CHRM3: variants seen among roughly 807,000 people sequenced by gnomAD.
CHRM3 encodes the protein cholinergic receptor muscarinic 3, also known as muscarinic acetylcholine receptor M3.
Under a neutral mutation model 41.8 loss-of-function variants are expected in CHRM3, and 11 were observed. The ratio of observed to expected loss-of-function variants is 0.26; its 90% CI spans 0.17 to 0.44. The LOEUF (loss-of-function observed/expected upper bound fraction) is 0.44. CHRM3 is among the 20% of genes least tolerant of loss of function. CHRM3 has a pLI of 1.00. For synonymous variants in CHRM3, 297 were observed against 301.4 expected (o/e 0.99, Z 0.15); for missense variants, 571 against 745.4 (o/e 0.77, Z 2.72).
In CHRM3 at chr1:239,606,400, C is replaced by T. The variant is rs1041850518; in HGVS notation, c.-312-25824C>T. 5.3e-5 allele frequency among the ~76,000 whole-genome samples: 8 copies of T among 151,882 alleles called. No homozygotes were observed. The East Asian group carries it at 9.7e-4, about 18-fold the overall frequency. ...ATGCCATTCTCCTGCCTCAGCCTCC[C>T]GAGTAGCTGGGACTACAGGCGCCCA... On this transcript the variant is annotated intron_variant, in intron 3 of 6. Coordinates refer to ENST00000676153, the MANE Select transcript of CHRM3 (RefSeq NM_001375978.1).
chr1:239,858,124 C>T (rs1675276225), intron 6 of CHRM3, among the ~76,000 whole-genome samples: 1 of 152,174 alleles, frequency 6.6e-6, no homozygotes, highest in South Asian at 2.1e-4. Flanking sequence ...TAATGATGCA[C>T]TAATTAGAAA....
At chr1:239,542,335 C>T (rs369105710) in intron 2 of CHRM3, among the ~76,000 whole-genome samples, 1 of 152,034 alleles carries the variant, frequency 6.6e-6, no homozygotes, top group East Asian at 1.9e-4. Flanking sequence ...TAGAGAGGCA[C>T]CCCAAATTAG....
chr1:239,590,048 G>A (rs772096988), intron 3 of CHRM3, among the ~76,000 whole-genome samples: 98 of 152,078 alleles, frequency 6.4e-4, no homozygotes, highest in Non-Finnish European at 1.1e-3. Flanking sequence ...ATGTTTGAAT[G>A]TAGATGGTCT....
In CHRM3 at chr1:239,463,514, C is replaced by T. The variant is rs531019268; in HGVS notation, c.-520-29195C>T. 6.6e-5 allele frequency among the ~76,000 whole-genome samples: 10 copies of T among 152,160 alleles called. No homozygotes were observed. The South Asian group carries it at 1.7e-3, about 25-fold the overall frequency. ...CTTAGTTTTAACCTGTCACTGCTGT[C>T]TTGATCTTTTTTATTTCTTTTTAAT... On this transcript the variant is annotated intron_variant, in intron 1 of 6. Coordinates refer to ENST00000676153, the MANE Select transcript of CHRM3 (RefSeq NM_001375978.1).
At chr1:239,423,180 G>T (rs1045812241) in intron 1 of CHRM3, among the ~76,000 whole-genome samples, 3 of 152,172 alleles carry the variant, frequency 2.0e-5, no homozygotes, top group African/African-American at 7.2e-5. Context: ...AAATTCCAAA[G>T]AAATTTTATC....
chr1:239,819,463 T>C (rs1671858492), intron 5 of CHRM3, among the ~76,000 whole-genome samples: 2 of 152,246 alleles, frequency 1.3e-5, no homozygotes, highest in South Asian at 4.1e-4. Flanking sequence ...AGCCTGTATC[T>C]GACCTCAATT....
chr1:239,873,760 A>G (rs559874705), intron 6 of CHRM3, among the ~76,000 whole-genome samples: 1 of 152,078 alleles, frequency 6.6e-6, no homozygotes, highest in Admixed American at 6.5e-5. Context: ...CCCTGCAGGA[A>G]TCCTCCCTGC....
At chr1:239,595,900 T>A (rs536409672) in intron 3 of CHRM3, among the ~76,000 whole-genome samples, 1 of 152,312 alleles carries the variant, frequency 6.6e-6, no homozygotes, top group African/African-American at 2.4e-5. Flanking sequence ...ATACCAATCC[T>A]TTTTACTATA....
chr1:239,411,457 T>G (rs920247351), intron 1 of CHRM3, among the ~76,000 whole-genome samples: 3 of 152,142 alleles, frequency 2.0e-5, no homozygotes, highest in African/African-American at 7.2e-5. Flanking sequence ...CCGGGCGTGG[T>G]GGCTCATGCC....
In CHRM3 at chr1:239,910,584, G is replaced by GAA. The variant is rs113268793; in HGVS notation, c.*1371_*1372dup. On this transcript the variant is annotated 3_prime_UTR_variant, in exon 7 of 7. Coordinates refer to ENST00000676153, the MANE Select transcript of CHRM3 (RefSeq NM_001375978.1). ...TCAAATTGATTTCCTTACCTTTTGG[G>GAA]AAAAAAAAAAAATTGTTTTTTTGCA... The GAA allele has an allele frequency of 5.4e-4, 86 of 160,390 alleles. No homozygotes were observed. The highest frequency in any genetic ancestry group is 1.0e-3 in the East Asian group (5 of 4,980). 9.9% of individuals were successfully genotyped at this position (160,390 alleles called of 1,614,324 possible). A position where few individuals can be genotyped will look rare whatever the true frequency, so the allele number is the denominator to read the frequency against.
At chr1:239,706,199 A>G (rs1661146777) in intron 5 of CHRM3, 1 of 150,056 alleles carries the variant, frequency 6.7e-6, no homozygotes, top group South Asian at 2.1e-4. Context: ...AATGTAATAA[A>G]CATACATTAT....
At chr1:239,479,122 T>G (rs2147988503) in intron 1 of CHRM3, among the ~76,000 whole-genome samples, 1 of 151,460 alleles carries the variant, frequency 6.6e-6, no homozygotes, top group African/African-American at 2.4e-5. Flanking sequence ...AGGTGGAAGT[T>G]GTAGGGAGCC....
At chr1:239,687,338 C>A (rs6688548) in intron 5 of CHRM3, among the ~76,000 whole-genome samples, 76,543 of 151,836 alleles carry the variant, frequency 0.5, 19,590 homozygotes, top group Admixed American at 0.56. Flanking sequence ...CATTAGCATG[C>A]TTTATAAGTG....
chr1:239,848,657 G>T (rs961115522), intron 6 of CHRM3, among the ~76,000 whole-genome samples: 5 of 152,014 alleles, frequency 3.3e-5, no homozygotes, highest in African/African-American at 1.2e-4. Context: ...CTTAGTTTCT[G>T]CATCCCTATG....
intron 5 of CHRM3, among the ~76,000 whole-genome samples, chr1:239,691,260 A>G (rs952446346): frequency 1.3e-5 from 2 of 152,248 alleles, no homozygotes; most frequent in Non-Finnish European, 1.5e-5. Flanking sequence ...ATCCCTTCAG[A>G]CATATAAAAA....
intron 1 of CHRM3, among the ~76,000 whole-genome samples, chr1:239,452,362 G>T (rs990012506): frequency 6.6e-6 from 1 of 152,206 alleles, no homozygotes; most frequent in African/African-American, 2.4e-5. Flanking sequence ...GCTGGTGACA[G>T]CTTCAGGAGG....
chr1:239,423,376 C>T (rs1210846112), intron 1 of CHRM3, among the ~76,000 whole-genome samples: 1 of 152,108 alleles, frequency 6.6e-6, no homozygotes, highest in Non-Finnish European at 1.5e-5. Flanking sequence ...AACTCTTTAC[C>T]ACATACACTC....
intron 5 of CHRM3, among the ~76,000 whole-genome samples, chr1:239,757,651 G>T (rs951550573): frequency 2.0e-5 from 3 of 149,754 alleles, no homozygotes; most frequent in Non-Finnish European, 4.5e-5. Context: ...AAAAAGAAAA[G>T]ACATCCTCAT....
At position 239,515,827 on chromosome 1, in the gene CHRM3, T is replaced by A. The variant is rs12088049; in HGVS notation, c.-422+23020T>A. Among the ~76,000 whole-genome samples the A allele has an allele frequency of 8.3e-4, 127 of 152,280 alleles. 3 individuals are homozygous for A. Among genetic ancestry groups the A allele is most frequent in the Middle Eastern group, 3.4e-3 (1 of 294 alleles). ...AAAATAAACTACCCTTAGTTAAAAGTTAGATGCCTAAAATGTACTATATTT... is the reference window on the plus strand; with the variant it reads ...AAAATAAACTACCCTTAGTTAAAAGATAGATGCCTAAAATGTACTATATTT... On this transcript the variant is annotated intron_variant, in intron 2 of 6. Coordinates refer to ENST00000676153, the MANE Select transcript of CHRM3 (RefSeq NM_001375978.1).
Sources: gnomAD v4.1 joint callset for allele counts (sites outside exome capture counted in the v4.1 genomes callset) on GRCh38, gnomAD v4.1.1 for gene constraint, MANE v1.5 for transcripts, NCBI Gene and HGNC (gene_info 2026-07-23, HGNC 2026-07-21) for gene names.